TMEM255B: variants seen among roughly 807,000 people sequenced by gnomAD.
TMEM255B encodes family with sequence similarity 70, member B.
A neutral mutation model predicts 34.5 loss-of-function variants in TMEM255B; 35 were observed. The ratio of observed to expected loss-of-function variants is 1.01; its 90% CI spans 0.77 to 1.34. The LOEUF (loss-of-function observed/expected upper bound fraction) is 1.34. TMEM255B is among the 40% of genes most tolerant of loss of function. The pLI is 0.00. For missense variants in TMEM255B, 432 were observed against 433.2 expected (o/e 1.00, Z 0.02); for synonymous variants, 206 against 201.2 (o/e 1.02, Z -0.20).
intron 3 of TMEM255B, among the ~76,000 whole-genome samples, chr13:113,791,999 C>A (rs1362586212): frequency 3.9e-5 from 6 of 152,340 alleles, no homozygotes; most frequent in Non-Finnish European, 8.8e-5. Context: ...ACAGGAACAT[C>A]CCCCGGAACT....
rs907111757 is a variant in TMEM255B at position 113,762,327 on chromosome 13, A to G, written c.46+3012A>G. Among the ~76,000 whole-genome samples the G allele has an allele frequency of 2.0e-5, 3 of 151,890 alleles. No homozygotes were observed. In the East Asian group the frequency reaches 5.8e-4, roughly 29 times the overall value. The stretch of plus-strand genomic sequence containing the variant: ...TGGGAGTCTTCTTTTTGTTATCTCT[A>G]TTATATCTGGAGTCAAAATATCACC... On this transcript the variant is annotated intron_variant, in intron 1 of 8. Coordinates refer to ENST00000375353, the MANE Select transcript of TMEM255B (RefSeq NM_182614.4).
At chr13:113,807,938 AC>A (rs2051216056) in intron 8 of TMEM255B, among the ~76,000 whole-genome samples, 1 of 152,106 alleles carries the variant, frequency 6.6e-6, no homozygotes, top group Non-Finnish European at 1.5e-5. Context: ...CTCTGGGTTT[AC>A]GCAAAGGGTG....
intron 3 of TMEM255B, among the ~76,000 whole-genome samples, chr13:113,793,543 AC>A (rs137858933): frequency 0.015 from 2,249 of 152,240 alleles, 43 homozygotes; most frequent in African/African-American, 0.052. Flanking sequence ...CCGGTCTGGG[AC>A]CCACCCAAGG....
intron 3 of TMEM255B, among the ~76,000 whole-genome samples, chr13:113,776,700 G>A (rs2050584733): frequency 2.0e-5 from 3 of 152,292 alleles, no homozygotes; most frequent in South Asian, 4.1e-4. Flanking sequence ...GGCCGAGTGT[G>A]ACACTCAGAG....
At chr13:113,784,467 T>G (rs1040703861) in intron 3 of TMEM255B, among the ~76,000 whole-genome samples, 2 of 151,334 alleles carry the variant, frequency 1.3e-5, no homozygotes, top group African/African-American at 4.9e-5. Context: ...CCAGTTGGAA[T>G]TGGCAAAGCG....
chr13:113,766,595 A>G (rs1274130482), intron 2 of TMEM255B: 1 of 383,778 alleles, frequency 2.6e-6, no homozygotes, highest in Non-Finnish European at 4.9e-6. Context: ...GGAAATGTCC[A>G]AGGTGGAGGA....
intron 3 of TMEM255B, among the ~76,000 whole-genome samples, chr13:113,794,890 G>A (rs2050892618): frequency 6.6e-6 from 1 of 152,262 alleles, no homozygotes; most frequent in Admixed American, 6.5e-5. Context: ...TCAGAGGCGC[G>A]TGCCGAGGGC....
rs2051338566 is a variant in TMEM255B at position 113,812,813 on chromosome 13, ACAGGTCCTGAGTGGG to A, written c.*911_*925del. ...TCACAGGACAGGTCTCAGGTGGGTCACAGGTCCTGAGTGGGTCACAGGTCCCGGGTGGGTCACAGG... is the reference window on the plus strand; with the variant it reads ...TCACAGGACAGGTCTCAGGTGGGTCATCACAGGTCCCGGGTGGGTCACAGG... On this transcript the variant is annotated 3_prime_UTR_variant, in exon 9 of 9. Coordinates refer to ENST00000375353, the MANE Select transcript of TMEM255B (RefSeq NM_182614.4). 6.0e-6 allele frequency: 1 copy of A among 166,492 alleles called. No individual in the cohort carries two copies. The highest frequency in any genetic ancestry group is 2.5e-5 in the African/African-American group (1 of 40,022). 10.3% of individuals were successfully genotyped at this position (166,492 alleles called of 1,614,324 possible).
intron 3 of TMEM255B, among the ~76,000 whole-genome samples, chr13:113,776,937 G>A (rs944110498): frequency 5.6e-4 from 85 of 152,138 alleles, no homozygotes; most frequent in African/African-American, 2.0e-3. Context: ...CATTGGTTAC[G>A]AGGTAGAGCT....
chr13:113,765,915 A>C (rs1415201267), intron 1 of TMEM255B, among the ~76,000 whole-genome samples, 200 bp from the exon 2 acceptor site: 1 of 152,240 alleles, frequency 6.6e-6, no homozygotes, highest in Non-Finnish European at 1.5e-5. Flanking sequence ...CAGGCTATCC[A>C]GTATAGTGGC....
intron 8 of TMEM255B, among the ~76,000 whole-genome samples, chr13:113,805,341 C>T (rs1296421984): frequency 6.6e-6 from 1 of 152,230 alleles, no homozygotes; most frequent in Non-Finnish European, 1.5e-5. Context: ...CTGCGTTTGT[C>T]TGCTGGTGGA....
intron 3 of TMEM255B, among the ~76,000 whole-genome samples, chr13:113,791,821 A>C (rs2050837496): frequency 6.6e-6 from 1 of 152,146 alleles, no homozygotes; most frequent in Non-Finnish European, 1.5e-5. Context: ...GTTCTTAAGG[A>C]GCGTGTGCAG....
intron 8 of TMEM255B, among the ~76,000 whole-genome samples, chr13:113,805,264 G>T (rs1171614047): frequency 6.6e-6 from 1 of 152,188 alleles, no homozygotes; most frequent in Non-Finnish European, 1.5e-5. Flanking sequence ...CCGGCAGCTG[G>T]CTCTTCTGAC....
chr13:113,807,377 G>A (rs1178768773), intron 8 of TMEM255B, among the ~76,000 whole-genome samples: 2 of 144,790 alleles, frequency 1.4e-5, no homozygotes, highest in Non-Finnish European at 3.0e-5. Context: ...CTTACGGGAT[G>A]TGGGGGTGGT....
In TMEM255B at chr13:113,766,124, C is replaced by G. The variant is rs754716183; in HGVS notation, c.56C>G (p.Ser19Trp). The G allele has an allele frequency of 6.2e-7, 1 of 1,614,148 alleles. No individual in the cohort carries two copies. The highest frequency in any genetic ancestry group is 8.5e-7 in the Non-Finnish European group (1 of 1,180,034). ...LGLLDPAEGL[S>W]RRKKTSLWFV... ...GCCTTCCTCCCCACAGAAGGGCTTTCGAGGAGGAAGAAGACGTCGCTCTGG... is the reference window on the plus strand; with the variant it reads ...GCCTTCCTCCCCACAGAAGGGCTTTGGAGGAGGAAGAAGACGTCGCTCTGG... The change falls in exon 2 of 9, where the codon TCG becomes TGG. Residue 19 changes from serine (S) to tryptophan (W), a missense_variant. Ser to Trp is a radical substitution (Grantham distance 177). Coordinates refer to ENST00000375353, the MANE Select transcript of TMEM255B (RefSeq NM_182614.4).
intron 3 of TMEM255B, among the ~76,000 whole-genome samples, chr13:113,794,433 C>T (rs552283631): frequency 6.6e-6 from 1 of 152,226 alleles, no homozygotes; most frequent in Admixed American, 6.5e-5. Context: ...GACAACTCAT[C>T]CATCGGGACG....
chr13:113,795,759 A>G (rs928077189), intron 4 of TMEM255B, among the ~76,000 whole-genome samples: 5 of 143,864 alleles, frequency 3.5e-5, no homozygotes, highest in African/African-American at 1.3e-4. Flanking sequence ...CACACACACA[A>G]CAGAGCACAC....
rs1359224170 is a variant in TMEM255B at position 113,770,960 on chromosome 13, A to AGT, written c.252+1804_252+1805dup. ...TTGGCGATGCACAGGATGGGTGGAC[A>AGT]GTGTGGGTCTGTTTTTCTTTCCTTT... On this transcript the variant is annotated intron_variant, in intron 3 of 8. Coordinates refer to ENST00000375353, the MANE Select transcript of TMEM255B (RefSeq NM_182614.4). This position sits in a 1 kb window ranked among gnomAD's most constrained non-coding sequence, Gnocchi z 4.6. Among the ~76,000 whole-genome samples, 1 of 152,230 alleles carries AGT rather than the reference A, an allele frequency of 6.6e-6. No individual in the cohort carries two copies. The highest frequency in any genetic ancestry group is 1.5e-5 in the Non-Finnish European group (1 of 68,042).
At chr13:113,804,648 C>T in intron 7 of TMEM255B, among the ~76,000 whole-genome samples, 1 of 142,428 alleles carries the variant, frequency 7.0e-6, no homozygotes, top group Non-Finnish European at 1.5e-5. Context: ...GCACGCCGGG[C>T]CGGGGTTAGC....
Sources: allele counts gnomAD v4.1 joint callset (sites outside exome capture counted in the v4.1 genomes callset), GRCh38; gene constraint gnomAD v4.1.1; non-coding constraint Gnocchi (gnomAD v3.1); transcripts MANE v1.5; gene names NCBI Gene and HGNC (gene_info 2026-07-23, HGNC 2026-07-21).